The following TENM2 variants were observed in gnomAD, a reference collection of about 807,000 sequenced individuals.
The protein encoded by TENM2 is teneurin-2.
A neutral mutation model predicts 245.2 loss-of-function variants in TENM2; 52 were observed. The observed-to-expected ratio is 0.21, with a 90% CI of 0.17 to 0.27. TENM2 has a LOEUF of 0.27. Among genes scored for constraint, TENM2 ranks in the 10% least tolerant of loss-of-function variants. The pLI, the probability that TENM2 is intolerant of heterozygous loss-of-function variation, is 1.00. For synonymous variants in TENM2, 1,363 were observed against 1,438.9 expected (o/e 0.95, Z 1.19); for missense variants, 3,046 against 3,666.8 (o/e 0.83, Z 4.37).
At chr5:167,041,177 C>G in the TENM2 span, among the ~76,000 whole-genome samples, 49 of 152,316 alleles carry the variant, frequency 3.2e-4, no homozygotes, top group African/African-American at 1.1e-3. Context: ...TGAATCCTTT[C>G]CCTGGTTGTA....
chr5:167,794,454 C>G (rs1017386881), intron 2 of TENM2, among the ~76,000 whole-genome samples: 1 of 152,158 alleles, frequency 6.6e-6, no homozygotes, highest in Non-Finnish European at 1.5e-5. Context: ...TGTGATGGCT[C>G]CTTTACAATA....
At chr5:167,459,933 C>CAT (rs1766188105) in intron 2 of TENM2, among the ~76,000 whole-genome samples, 1 of 151,546 alleles carries the variant, frequency 6.6e-6, no homozygotes, top group Non-Finnish European at 1.5e-5. Context: ...CACACACACA[C>CAT]ACGCACACAC....
chr5:167,202,119 G>A, the TENM2 span, among the ~76,000 whole-genome samples: 7 of 152,088 alleles, frequency 4.6e-5, no homozygotes, highest in Non-Finnish European at 7.4e-5. Context: ...GACTTTTCAT[G>A]GGAAGAAAAC....
chr5:168,127,652 C>T lies in TENM2; in HGVS notation c.2422+686C>T, dbSNP rs180849190. Among the ~76,000 whole-genome samples the T allele has an allele frequency of 3.9e-5, 6 of 152,266 alleles. No individual in the cohort carries two copies. The East Asian group carries it at 1.2e-3, about 29-fold the overall frequency. The stretch of plus-strand genomic sequence containing the variant: ...TAGGGTAGGACTATACTGGATTAAA[C>T]GTACCTAATCATCCCTTTGGTAGAG... On this transcript the variant is annotated intron_variant, in intron 12 of 28. Transcript: ENST00000518659.
At chr5:167,957,043 A>T (rs1378980382) in intron 4 of TENM2, among the ~76,000 whole-genome samples, 1 of 151,978 alleles carries the variant, frequency 6.6e-6, no homozygotes, top group Non-Finnish European at 1.5e-5. Context: ...TTTCAGAAGG[A>T]ATGGTACCAG....
chr5:167,073,367 T>A, the TENM2 span, among the ~76,000 whole-genome samples: 1 of 152,192 alleles, frequency 6.6e-6, no homozygotes, highest in Non-Finnish European at 1.5e-5. Flanking sequence ...GTGAGTGGAA[T>A]CATAGCTACA....
chr5:167,515,680 T>TACACATA (rs1283561249), intron 2 of TENM2, among the ~76,000 whole-genome samples: 8 of 55,792 alleles, frequency 1.4e-4, no homozygotes, highest in Non-Finnish European at 2.7e-4. Flanking sequence ...TGTATATATA[T>TACACATA]TTTGAGAGGG....
intron 2 of TENM2, among the ~76,000 whole-genome samples, chr5:167,609,787 G>A (rs1345761955): frequency 6.6e-6 from 1 of 152,096 alleles, no homozygotes; most frequent in Non-Finnish European, 1.5e-5. Flanking sequence ...ACTCTCACAT[G>A]TTCAACACGG....
rs181310154 is a variant in TENM2 at position 167,542,736 on chromosome 5, T to C, written c.502+167263T>C. Reference sequence around the variant, plus strand: ...CCAACCATTGTATTTTCTGGTTTTTTTTCTGTCAACTACAAAGGATTTCTA... The same window carrying C: ...CCAACCATTGTATTTTCTGGTTTTTCTTCTGTCAACTACAAAGGATTTCTA... On this transcript the variant is annotated intron_variant, in intron 2 of 28. Transcript: ENST00000518659. Among the ~76,000 whole-genome samples the C allele has an allele frequency of 3.4e-4, 52 of 152,272 alleles. 1 individual carries two copies. The highest frequency in any genetic ancestry group is 6.8e-3 in the Middle Eastern group (2 of 294).
chr5:168,033,992 A>C (rs1581117716), intron 5 of TENM2, among the ~76,000 whole-genome samples: 1 of 149,764 alleles, frequency 6.7e-6, no homozygotes, highest in Non-Finnish European at 1.5e-5. Flanking sequence ...GCCCCACTGC[A>C]CTCCAGCCTG....
At chr5:168,091,362 G>A (rs901954447) in intron 8 of TENM2, among the ~76,000 whole-genome samples, 17 of 152,006 alleles carry the variant, frequency 1.1e-4, no homozygotes, top group Non-Finnish European at 2.2e-4. Context: ...TTTGGCATAG[G>A]GTAGCCCTGC....
the TENM2 span, among the ~76,000 whole-genome samples, chr5:167,006,782 TC>T: frequency 2.0e-5 from 3 of 152,134 alleles, no homozygotes; most frequent in African/African-American, 7.2e-5. Flanking sequence ...TTCTCCTGCC[TC>T]AGCCTCCCAA....
At chr5:167,061,091 AACACACACACACAC>A in the TENM2 span, among the ~76,000 whole-genome samples, 10 of 149,650 alleles carry the variant, frequency 6.7e-5, no homozygotes, top group African/African-American at 2.0e-4. Flanking sequence ...CTCTCTCCAA[AACACACACACACAC>A]ACACACACAC....
intron 2 of TENM2, among the ~76,000 whole-genome samples, chr5:167,596,584 G>A (rs1776227690): frequency 6.6e-6 from 1 of 152,110 alleles, no homozygotes; most frequent in Admixed American, 6.5e-5. Flanking sequence ...ACGAGGTTAG[G>A]AGATCAAGAC....
At chr5:167,865,507 C>G (rs1772233569) in intron 2 of TENM2, among the ~76,000 whole-genome samples, 1 of 152,124 alleles carries the variant, frequency 6.6e-6, no homozygotes, top group Admixed American at 6.5e-5. Flanking sequence ...CTCCTAGACT[C>G]AAGTGATCCT....
chr5:167,430,491 C>G (rs950310503), intron 2 of TENM2, among the ~76,000 whole-genome samples: 1 of 152,112 alleles, frequency 6.6e-6, no homozygotes, highest in Non-Finnish European at 1.5e-5. Flanking sequence ...TGACAATTTT[C>G]TCTGAGATTC....
At chr5:167,842,005 A>G (rs1769563382) in intron 2 of TENM2, among the ~76,000 whole-genome samples, 1 of 152,164 alleles carries the variant, frequency 6.6e-6, no homozygotes, top group African/African-American at 2.4e-5. Flanking sequence ...TGTATTTTAC[A>G]CATTGTATAG....
intron 2 of TENM2, among the ~76,000 whole-genome samples, chr5:167,820,655 C>T (rs1243910898): frequency 1.3e-5 from 2 of 152,314 alleles, no homozygotes; most frequent in East Asian, 3.9e-4. Flanking sequence ...AGGATATCTC[C>T]GTCAAGGCCC....
At chr5:167,268,250 T>G in the TENM2 span, among the ~76,000 whole-genome samples, 5 of 152,136 alleles carry the variant, frequency 3.3e-5, no homozygotes, top group African/African-American at 1.2e-4. Flanking sequence ...AAAATAATAA[T>G]TAGCAGCAGC....
Sources: allele counts gnomAD v4.1 joint callset (sites outside exome capture counted in the v4.1 genomes callset), GRCh38; gene constraint gnomAD v4.1.1; transcripts MANE v1.5; gene names NCBI Gene and HGNC (gene_info 2026-07-23, HGNC 2026-07-21).